TANC2: variants seen among roughly 807,000 people sequenced by gnomAD.
TANC2 encodes the protein protein TANC2.
TANC2 carries 26 observed loss-of-function variants against 210.5 expected under a neutral mutation model. The ratio of observed to expected loss-of-function variants is 0.12; its 90% confidence interval spans 0.09 to 0.17. The LOEUF is 0.17. TANC2 is among the 10% of genes least tolerant of loss of function. The pLI is 1.00. For missense variants in TANC2, 2,129 were observed against 2,608.9 expected (o/e 0.82, Z 4.01); for synonymous variants, 931 against 967.1 (o/e 0.96, Z 0.69).
chr17:63,130,602 A>G (rs1039484236), intron 4 of TANC2, among the ~76,000 whole-genome samples: 5 of 152,134 alleles, frequency 3.3e-5, no homozygotes, highest in Admixed American at 2.0e-4. Flanking sequence ...AGTGTTGACA[A>G]TCACTTTATC....
intron 11 of TANC2, among the ~76,000 whole-genome samples, chr17:63,331,739 C>T (rs2045849617): frequency 6.6e-6 from 1 of 152,096 alleles, no homozygotes; most frequent in Non-Finnish European, 1.5e-5. Context: ...GACAATCTCT[C>T]CTATTTATTT....
At chr17:63,157,003 G>A (rs1013964225) in intron 5 of TANC2, among the ~76,000 whole-genome samples, 7 of 152,072 alleles carry the variant, frequency 4.6e-5, no homozygotes, top group African/African-American at 1.7e-4. Context: ...ACCCTACTTT[G>A]AACATTTTTA....
At chr17:62,972,548 G>C (rs953400459) in intron 1 of TANC2, among the ~76,000 whole-genome samples, 2 of 152,116 alleles carry the variant, frequency 1.3e-5, no homozygotes, top group Non-Finnish European at 2.9e-5. Context: ...AACACCTTTA[G>C]TGTTTTTGTC....
intron 14 of TANC2, among the ~76,000 whole-genome samples, chr17:63,361,283 C>A (rs965267126): frequency 6.6e-6 from 1 of 152,178 alleles, no homozygotes; most frequent in Non-Finnish European, 1.5e-5. Flanking sequence ...CCTTTGGGAT[C>A]GTTCTGCCTA....
At chr17:63,211,904 A>G (rs2041897659) in intron 7 of TANC2, among the ~76,000 whole-genome samples, 1 of 152,142 alleles carries the variant, frequency 6.6e-6, no homozygotes, top group African/African-American at 2.4e-5. Context: ...TTATACTTTA[A>G]GTTCTAGGGT....
intron 9 of TANC2, among the ~76,000 whole-genome samples, chr17:63,279,710 A>C (rs2044002455): frequency 6.6e-6 from 1 of 152,164 alleles, no homozygotes; most frequent in African/African-American, 2.4e-5. Context: ...ACTGGTGAGC[A>C]CTGTACAGAA....
intron 4 of TANC2, among the ~76,000 whole-genome samples, chr17:63,132,772 CT>C (rs1055400508): frequency 1.3e-5 from 2 of 152,188 alleles, no homozygotes; most frequent in African/African-American, 4.8e-5. Context: ...ACTAAGTATT[CT>C]CTGTTGTGAT....
At chr17:63,289,514 C>T (rs2044321716) in intron 9 of TANC2, among the ~76,000 whole-genome samples, 1 of 152,154 alleles carries the variant, frequency 6.6e-6, no homozygotes, top group South Asian at 2.1e-4. Flanking sequence ...ACCTCTTTTG[C>T]AGTGTTTTTT....
At chr17:63,028,087 A>G (rs747179757) in intron 2 of TANC2, among the ~76,000 whole-genome samples, 2 of 152,106 alleles carry the variant, frequency 1.3e-5, no homozygotes, top group Non-Finnish European at 2.9e-5. Context: ...TCTTTAGAGG[A>G]GCCCCAAATG....
intron 8 of TANC2, among the ~76,000 whole-genome samples, chr17:63,258,626 C>G (rs753280781): frequency 3.3e-5 from 5 of 152,128 alleles, no homozygotes; most frequent in Non-Finnish European, 7.4e-5. Context: ...CACCCCAGGC[C>G]CATGGCAAGT....
At chr17:63,284,725 T>G (rs936533452) in intron 9 of TANC2, among the ~76,000 whole-genome samples, 11 of 152,134 alleles carry the variant, frequency 7.2e-5, no homozygotes, top group African/African-American at 2.4e-4. Flanking sequence ...TATTTTACAG[T>G]AGACACTTCT....
chr17:62,989,149 C>T (rs73339661), intron 1 of TANC2, among the ~76,000 whole-genome samples: 3,212 of 152,210 alleles, frequency 0.021, 104 homozygotes, highest in African/African-American at 0.071. Flanking sequence ...TTCTCATTAA[C>T]GGACTGATGC....
chr17:63,229,266 C>A (rs1328011025), intron 7 of TANC2, among the ~76,000 whole-genome samples: 4 of 152,124 alleles, frequency 2.6e-5, no homozygotes, highest in Admixed American at 6.5e-5. Flanking sequence ...CCTTGCACCC[C>A]AGGGATGAAG....
intron 4 of TANC2, 41 bp from the exon 5 acceptor site, chr17:63,151,229 T>C: frequency 1.1e-6 from 1 of 891,540 alleles, no homozygotes; most frequent in Non-Finnish European, 1.3e-6. Flanking sequence ...TCTCTTGCTC[T>C]CTCTGTCTCT....
In TANC2 at chr17:63,201,642, A is replaced by T. The variant is rs188258707; in HGVS notation, c.769+685A>T. 3.5e-3 allele frequency among the ~76,000 whole-genome samples: 516 copies of T among 147,982 alleles called. 4 individuals carry two copies. The highest frequency in any genetic ancestry group is 0.011 in the African/African-American group (451 of 39,424). On this transcript the variant is annotated intron_variant, in intron 7 of 27. Coordinates refer to ENST00000689528, the Ensembl canonical transcript of TANC2. Reference sequence around the variant, plus strand: ...TATACCTTTTTTTTTTTTTTTTACCAAAGATCCTAGTTGACTACTTAGTCC... The same window carrying T: ...TATACCTTTTTTTTTTTTTTTTACCTAAGATCCTAGTTGACTACTTAGTCC...
At chr17:63,350,327 C>A (rs928931134) in intron 12 of TANC2, among the ~76,000 whole-genome samples, 1 of 152,168 alleles carries the variant, frequency 6.6e-6, no homozygotes, top group South Asian at 2.1e-4. Flanking sequence ...CCTTTCAGAG[C>A]CTGTGAGATC....
intron 4 of TANC2, among the ~76,000 whole-genome samples, chr17:63,108,219 A>G (rs188732685): frequency 6.6e-6 from 1 of 151,744 alleles, no homozygotes; most frequent in Non-Finnish European, 1.5e-5. Flanking sequence ...AAGGATATGG[A>G]TAATTTGAAT....
At chr17:63,012,048 A>T (rs1195931987) in intron 2 of TANC2, among the ~76,000 whole-genome samples, 28 of 139,714 alleles carry the variant, frequency 2.0e-4, no homozygotes, top group African/African-American at 7.3e-4. Context: ...ACAGGATCTC[A>T]CTCTGTTGCC....
At chr17:63,263,866 A>G (rs963447739) in intron 8 of TANC2, among the ~76,000 whole-genome samples, 2 of 152,156 alleles carry the variant, frequency 1.3e-5, no homozygotes, top group Non-Finnish European at 2.9e-5. Context: ...TTAGAATTCT[A>G]CAGCCTAAGC....
Sources: allele counts gnomAD v4.1 joint callset (sites outside exome capture counted in the v4.1 genomes callset), GRCh38; gene constraint gnomAD v4.1.1; transcripts MANE v1.5; gene names NCBI Gene and HGNC (gene_info 2026-07-23, HGNC 2026-07-21).